The following GRM8 variants were observed in gnomAD, a reference collection of about 807,000 sequenced individuals.
The protein encoded by GRM8 is metabotropic glutamate receptor 8.
A neutral mutation model predicts 87.2 loss-of-function variants in GRM8; 47 were observed. The observed-to-expected ratio is 0.54, with a 90% confidence interval of 0.43 to 0.69. GRM8 has a LOEUF of 0.69. Ranked by LOEUF, GRM8 falls within the 30% of genes least tolerant of loss-of-function variation. GRM8 has a pLI of 0.00. For missense variants in GRM8, 1,019 were observed against 1,139.2 expected (o/e 0.89, Z 1.52); for synonymous variants, 396 against 404.5 (o/e 0.98, Z 0.25).
intron 6 of GRM8, among the ~76,000 whole-genome samples, chr7:126,799,723 G>A (rs1361652414): frequency 1.3e-5 from 2 of 152,096 alleles, no homozygotes; most frequent in East Asian, 3.9e-4. Context: ...AAGAAATAGT[G>A]GCTGAAGTGT....
chr7:126,576,579 G>A (rs1254910558), intron 8 of GRM8, among the ~76,000 whole-genome samples: 6 of 151,990 alleles, frequency 3.9e-5, no homozygotes, highest in East Asian at 1.9e-4. Context: ...CACCACACCC[G>A]GCCCCCAGCT....
intron 9 of GRM8, among the ~76,000 whole-genome samples, chr7:126,478,465 T>A (rs1425620948): frequency 6.6e-6 from 1 of 152,104 alleles, no homozygotes; most frequent in Non-Finnish European, 1.5e-5. Flanking sequence ...CCTGTTTATC[T>A]ATGATTATTT....
At chr7:126,827,358 C>A (rs1794920342) in intron 6 of GRM8, among the ~76,000 whole-genome samples, 1 of 152,176 alleles carries the variant, frequency 6.6e-6, no homozygotes, top group Admixed American at 6.5e-5. Flanking sequence ...ATGGAATGTT[C>A]TTCCATTTGT....
intron 6 of GRM8, among the ~76,000 whole-genome samples, chr7:126,782,611 A>G (rs772465973): frequency 3.3e-5 from 5 of 152,224 alleles, no homozygotes; most frequent in Non-Finnish European, 7.3e-5. Context: ...AAAACCAACA[A>G]CAAAGAACCA....
chr7:127,113,327 C>A (rs539030726), intron 2 of GRM8, among the ~76,000 whole-genome samples: 10 of 152,292 alleles, frequency 6.6e-5, no homozygotes, highest in Admixed American at 2.0e-4. Flanking sequence ...CCACCTAAAG[C>A]ACAGCTTAGA....
chr7:127,048,012 A>G (rs17866100), intron 3 of GRM8, among the ~76,000 whole-genome samples: 1,700 of 152,358 alleles, frequency 0.011, 25 homozygotes, highest in African/African-American at 0.038. Context: ...TTTGCAAGGC[A>G]CTGTTCTAGG....
chr7:126,915,232 G>A (rs1210331668), intron 3 of GRM8, among the ~76,000 whole-genome samples: 2 of 152,208 alleles, frequency 1.3e-5, no homozygotes, highest in Non-Finnish European at 2.9e-5. Flanking sequence ...CTGGGTAAGT[G>A]AGGTGGCTTC....
intron 9 of GRM8, among the ~76,000 whole-genome samples, chr7:126,458,129 C>T (rs1398949524): frequency 1.3e-5 from 2 of 149,104 alleles, no homozygotes; most frequent in African/African-American, 4.9e-5. Flanking sequence ...TGAGAGAAAA[C>T]TTGATCAGTT....
intron 8 of GRM8, among the ~76,000 whole-genome samples, chr7:126,539,886 T>C (rs1180573697): frequency 1.3e-5 from 2 of 151,962 alleles, no homozygotes; most frequent in Non-Finnish European, 2.9e-5. Flanking sequence ...GACCTTGTGT[T>C]AGGCAGTGTT....
chr7:126,549,254 T>C (rs960141901), intron 8 of GRM8, among the ~76,000 whole-genome samples: 2 of 151,978 alleles, frequency 1.3e-5, no homozygotes. Context: ...ATCAAAGATA[T>C]GAGGAAAGAT....
At chr7:126,766,518 T>A (rs1818213875) in intron 7 of GRM8, among the ~76,000 whole-genome samples, 1 of 152,124 alleles carries the variant, frequency 6.6e-6, no homozygotes, top group African/African-American at 2.4e-5. Context: ...TTTTTTTAAT[T>A]CCTTGAGAGT....
At chr7:126,952,146 T>C (rs1296049506) in intron 3 of GRM8, among the ~76,000 whole-genome samples, 2 of 151,676 alleles carry the variant, frequency 1.3e-5, no homozygotes, top group Non-Finnish European at 2.9e-5. Flanking sequence ...TTCAAAAAAA[T>C]AAATAAGGGC....
intron 8 of GRM8, among the ~76,000 whole-genome samples, chr7:126,596,570 G>C (rs1797221469): frequency 6.6e-6 from 1 of 152,098 alleles, no homozygotes; most frequent in Non-Finnish European, 1.5e-5. Flanking sequence ...TCAGGCATTG[G>C]GGAGTGAGGC....
intron 6 of GRM8, among the ~76,000 whole-genome samples, chr7:126,775,598 C>G (rs1819380642): frequency 6.7e-6 from 1 of 148,950 alleles, no homozygotes; most frequent in South Asian, 2.1e-4. Flanking sequence ...GGAATATCTC[C>G]AGAGCACTAG....
At chr7:126,469,818 G>T (rs1247852945) in intron 9 of GRM8, among the ~76,000 whole-genome samples, 4 of 152,122 alleles carry the variant, frequency 2.6e-5, no homozygotes, top group African/African-American at 9.7e-5. Flanking sequence ...ATTGGTACTG[G>T]TAGAGTGTGG....
At chr7:126,929,198 T>C (rs1218324740) in intron 3 of GRM8, among the ~76,000 whole-genome samples, 1 of 152,176 alleles carries the variant, frequency 6.6e-6, no homozygotes, top group African/African-American at 2.4e-5. Context: ...TAAAAAAGCT[T>C]AAAAATAAGA....
At chr7:126,616,364 A>G (rs1799490964) in intron 7 of GRM8, among the ~76,000 whole-genome samples, 1 of 152,244 alleles carries the variant, frequency 6.6e-6, no homozygotes, top group Admixed American at 6.5e-5. Flanking sequence ...TCTCTGGGAC[A>G]CATTTAAAGC....
intron 6 of GRM8, among the ~76,000 whole-genome samples, chr7:126,779,824 T>C (rs746915875): frequency 4.6e-5 from 7 of 152,122 alleles, no homozygotes; most frequent in Non-Finnish European, 7.4e-5. Context: ...GATTAAGTCC[T>C]ACCTCTTCTA....
chr7:127,060,811 C>CA (rs11397438), intron 3 of GRM8, among the ~76,000 whole-genome samples: 104,782 of 149,382 alleles, frequency 0.7, 37,065 homozygotes, highest in African/African-American at 0.76. Context: ...ATGCATGTAG[C>CA]AAAAAAAAAA....
Sources: gnomAD v4.1 joint callset for allele counts (sites outside exome capture counted in the v4.1 genomes callset) on GRCh38, gnomAD v4.1.1 for gene constraint, MANE v1.5 for transcripts, NCBI Gene and HGNC (gene_info 2026-07-23, HGNC 2026-07-21) for gene names.